The following LPA variants were observed in gnomAD, a reference collection of about 807,000 sequenced individuals.
LPA encodes the protein apolipoprotein(a).
LPA carries 199 observed loss-of-function variants against 197.9 expected under a neutral mutation model. The ratio of observed to expected loss-of-function variants is 1.01; its 90% CI spans 0.90 to 1.13. The LOEUF (loss-of-function observed/expected upper bound fraction) is 1.13. LPA is among the 50% of genes most tolerant of loss of function. The pLI is 0.00. For synonymous variants in LPA, 715 were observed against 639.5 expected (o/e 1.12, Z -1.78); for missense variants, 1,853 against 1,785.8 (o/e 1.04, Z -0.68).
At chr6:160,599,732 T>C (rs959636384) in intron 19 of LPA, 73 bp from the exon 20 acceptor site, 15 of 1,545,046 alleles carry the variant, frequency 9.7e-6, no homozygotes, top group Non-Finnish European at 9.8e-6. Context: ...ATTTATGACA[T>C]AAACCAAAAA....
chr6:160,532,751 G>A (rs1054470767), intron 37 of LPA, 102 bp from the exon 38 acceptor site: 14 of 811,092 alleles, frequency 1.7e-5, no homozygotes, highest in East Asian at 7.4e-5. Context: ...CTGTCTGTCC[G>A]TGAGGCTGCA....
intron 28 of LPA, among the ~76,000 whole-genome samples, chr6:160,575,018 A>G (rs1284484389): frequency 6.6e-6 from 1 of 152,162 alleles, no homozygotes; most frequent in Non-Finnish European, 1.5e-5. Flanking sequence ...GGCATCAGTC[A>G]TTTGTGTAAC....
At chr6:160,610,838 C>G (rs924741035) in intron 16 of LPA, among the ~76,000 whole-genome samples, 24 of 152,160 alleles carry the variant, frequency 1.6e-4, no homozygotes, top group African/African-American at 5.3e-4. Flanking sequence ...CATTGGCCCT[C>G]TCTCAATTCT....
intron 30 of LPA, among the ~76,000 whole-genome samples, chr6:160,553,929 C>G (rs1363315006): frequency 0.046 from 3,266 of 70,334 alleles, 125 homozygotes; most frequent in African/African-American, 0.16. Flanking sequence ...TTCTCTCTCT[C>G]TCTCTCTCTG....
intron 27 of LPA, among the ~76,000 whole-genome samples, chr6:160,577,616 A>G (rs924736912): frequency 1.1e-4 from 17 of 152,166 alleles, no homozygotes; most frequent in Non-Finnish European, 1.9e-4. Flanking sequence ...CCAGAATGCA[A>G]TGCATTCCTT....
intron 1 of LPA, among the ~76,000 whole-genome samples, chr6:160,650,935 A>G (rs1779994162): frequency 6.6e-6 from 1 of 152,190 alleles, no homozygotes; most frequent in Non-Finnish European, 1.5e-5. Flanking sequence ...CAAAGCCTTA[A>G]GTTTCTGGGC....
chr6:160,605,290 A>G, intron 17 of LPA, 85 bp from the exon 18 acceptor site: 1 of 1,512,402 alleles, frequency 6.6e-7, no homozygotes. Flanking sequence ...AACCAGAAAA[A>G]AGTCTCTGAG....
At chr6:160,539,090 A>G (rs1172228212) in intron 36 of LPA, among the ~76,000 whole-genome samples, 2 of 152,192 alleles carry the variant, frequency 1.3e-5, no homozygotes, top group Non-Finnish European at 2.9e-5. Flanking sequence ...GACCCAGAGA[A>G]GCTGCCATGG....
chr6:160,600,848 G>T, intron 19 of LPA, 69 bp downstream of exon 19: 4 of 1,519,354 alleles, frequency 2.6e-6, no homozygotes, highest in Non-Finnish European at 3.6e-6. Flanking sequence ...AGGGTTGTGC[G>T]TCAGTGGGGG....
intron 1 of LPA, among the ~76,000 whole-genome samples, chr6:160,663,481 T>A (rs1274223203): frequency 6.6e-6 from 1 of 152,216 alleles, no homozygotes; most frequent in African/African-American, 2.4e-5. Flanking sequence ...CTAAATAAGC[T>A]AGTATTTGTA....
In LPA at chr6:160,598,633, C is replaced by T. The variant is rs143426598; in HGVS notation, c.3287+867G>A. On this transcript the variant is annotated intron_variant, in intron 20 of 38. Transcript: ENST00000316300. ...AGATCATGGCTTCTGTCCATCTACC[C>T]GCCCCTTTTACTTTTCAGCATCGCC... is the stretch of plus-strand genomic sequence containing the variant. Among the ~76,000 whole-genome samples the T allele has an allele frequency of 3.0e-4, 45 of 152,292 alleles. No homozygotes were observed. In the East Asian group the frequency reaches 6.4e-3, roughly 22 times the overall value.
At chr6:160,564,773 CG>C (rs1412752928) in intron 28 of LPA, among the ~76,000 whole-genome samples, 11 of 152,050 alleles carry the variant, frequency 7.2e-5, no homozygotes, top group Admixed American at 6.6e-4. Flanking sequence ...CAGATGTACC[CG>C]GAAAATCGGG....
chr6:160,531,499 G>T lies in LPA; in HGVS notation c.*230C>A, dbSNP rs1269894572. The stretch of plus-strand genomic sequence containing the variant: ...AAAATTAATTCAAATCAAAATAAGT[G>T]CAGAGTTTATTTTTAACAAATGTCA... On this transcript the variant is annotated 3_prime_UTR_variant, in exon 39 of 39. Transcript: ENST00000316300. The T allele has an allele frequency of 8.8e-6, 5 of 566,716 alleles. No individual in the cohort carries two copies. Among genetic ancestry groups the T allele is most frequent in the Non-Finnish European group, 1.6e-5 (5 of 317,830 alleles). The allele number at this position is 566,716 out of a possible 1,614,324, so 35.1% of individuals were successfully genotyped here.
intron 18 of LPA, among the ~76,000 whole-genome samples, chr6:160,603,152 C>T (rs1185365792): frequency 6.6e-6 from 1 of 151,816 alleles, no homozygotes; most frequent in Non-Finnish European, 1.5e-5. Flanking sequence ...CTGTGACTTC[C>T]TACCCACATG....
chr6:160,648,813 T>C (rs1779952885), intron 2 of LPA, among the ~76,000 whole-genome samples: 1 of 152,204 alleles, frequency 6.6e-6, no homozygotes, highest in Non-Finnish European at 1.5e-5. Context: ...TATATTCATG[T>C]TTTCTTAAAT....
chr6:160,568,250 G>A (rs1395251821), intron 28 of LPA, among the ~76,000 whole-genome samples: 2 of 152,134 alleles, frequency 1.3e-5, no homozygotes, highest in Non-Finnish European at 2.9e-5. Context: ...TAAAATACTG[G>A]CAAACCGAAT....
At chr6:160,539,960 T>C in intron 36 of LPA, 83 bp downstream of exon 36, 2 of 1,571,230 alleles carry the variant, frequency 1.3e-6, no homozygotes, top group Non-Finnish European at 1.8e-6. Flanking sequence ...CCCACTGCCA[T>C]GCAGTGGCCA....
chr6:160,658,563 A>G (rs1428163454), intron 1 of LPA, among the ~76,000 whole-genome samples: 4 of 152,168 alleles, frequency 2.6e-5, no homozygotes, highest in African/African-American at 9.7e-5. Context: ...GGTTCTCCAC[A>G]TATAGTCAAA....
chr6:160,650,180 T>A (rs1569933), intron 2 of LPA, among the ~76,000 whole-genome samples, 158 bp downstream of exon 2: 91,134 of 152,078 alleles, frequency 0.6, 27,628 homozygotes, highest in Middle Eastern at 0.68. Context: ...ATTTCTCTTC[T>A]ATCATACTCT....
Sources: gnomAD v4.1 joint callset for allele counts (sites outside exome capture counted in the v4.1 genomes callset) on GRCh38, gnomAD v4.1.1 for gene constraint, MANE v1.5 for transcripts, NCBI Gene and HGNC (gene_info 2026-07-23, HGNC 2026-07-21) for gene names.